The following ATP2B1 variants were observed in gnomAD, a reference collection of about 807,000 sequenced individuals.
ATP2B1 encodes ATPase plasma membrane Ca2+ transporting 1, also known as plasma membrane calcium-transporting ATPase 1.
ATP2B1 carries 14 observed loss-of-function variants against 124.2 expected under a neutral mutation model. The observed-to-expected ratio is 0.11, with a 90% confidence interval of 0.07 to 0.18. ATP2B1 has a LOEUF of 0.18. Among genes scored for constraint, ATP2B1 ranks in the 10% least tolerant of loss-of-function variants. The probability of loss-of-function intolerance (pLI) is 1.00; values close to 1 mark genes in which losing one functional copy is unlikely to be tolerated. For synonymous variants in ATP2B1, 449 were observed against 492.4 expected, an observed-to-expected ratio of 0.91 and a Z score of 1.17; for missense variants, 763 against 1,466.1, an observed-to-expected ratio of 0.52 and a Z score of 7.83.
chr12:89,671,526 T>C (rs777396283), intron 1 of ATP2B1, among the ~76,000 whole-genome samples: 9 of 152,180 alleles, frequency 5.9e-5, no homozygotes, highest in Non-Finnish European at 1.3e-4. Flanking sequence ...TCCTTTCGCC[T>C]AATCTTCCCA....
intron 3 of ATP2B1, among the ~76,000 whole-genome samples, chr12:89,641,090 G>A (rs2136234176): frequency 6.6e-6 from 1 of 152,254 alleles, no homozygotes; most frequent in African/African-American, 2.4e-5. Context: ...TCAGCCTTTT[G>A]ATACATAAAA....
At chr12:89,623,050 G>T (rs143876379) in intron 9 of ATP2B1, among the ~76,000 whole-genome samples, 1 of 129,614 alleles carries the variant, frequency 7.7e-6, no homozygotes, top group African/African-American at 2.9e-5. Flanking sequence ...TGATTATACT[G>T]TATCTTATCA....
chr12:89,634,198 G>C (rs1214335420), intron 5 of ATP2B1, among the ~76,000 whole-genome samples: 1 of 151,990 alleles, frequency 6.6e-6, no homozygotes, highest in Non-Finnish European at 1.5e-5. Flanking sequence ...TTAACCATTT[G>C]CAAATTCAAT....
At chr12:89,625,887 T>C (rs985880809) in intron 8 of ATP2B1, among the ~76,000 whole-genome samples, 2 of 152,198 alleles carry the variant, frequency 1.3e-5, no homozygotes, top group African/African-American at 4.8e-5. Context: ...ATATGCTTAT[T>C]TATCCACACA....
At chr12:89,600,841 G>T (rs1875674728) in intron 19 of ATP2B1, among the ~76,000 whole-genome samples, 1 of 151,880 alleles carries the variant, frequency 6.6e-6, no homozygotes, top group Non-Finnish European at 1.5e-5. Flanking sequence ...TAGAGACGGG[G>T]TTTCACCATG....
At position 89,603,226 on chromosome 12, in the gene ATP2B1, T is replaced by C. The variant is rs966303879; in HGVS notation, c.2877A>G (p.Gly959=). ...AGEKFFDIDS[G]RNAPLHAPPS... is the part of the protein sequence containing the mutation. ...GAGGAGCATGCAAAGGAGCATTTCT[T>C]CCACTATCAATGTCAAAAAACTTTT... The change falls in exon 18 of 21, where the codon GGA becomes GGG. Residue 959 remains glycine (G), a synonymous_variant. Transcript: ENST00000428670. The surrounding 1 kb of genome is among the most constrained non-coding windows in gnomAD (Gnocchi z 4.3). 5.0e-6 allele frequency: 8 copies of C among 1,609,402 alleles called. No individual in the cohort carries two copies. The African/African-American group carries it at 5.3e-5, about 11-fold the overall frequency.
chr12:89,625,984 T>C (rs1880817596), intron 8 of ATP2B1, among the ~76,000 whole-genome samples: 1 of 152,188 alleles, frequency 6.6e-6, no homozygotes, highest in Admixed American at 6.5e-5. Context: ...ATGGCTGTAT[T>C]AACAGGTATT....
intron 3 of ATP2B1, among the ~76,000 whole-genome samples, chr12:89,640,903 C>G (rs776650175): frequency 6.6e-6 from 1 of 152,204 alleles, no homozygotes; most frequent in Non-Finnish European, 1.5e-5. Flanking sequence ...GCTGGCACCA[C>G]GTTTCCTGTA....
intron 1 of ATP2B1, among the ~76,000 whole-genome samples, chr12:89,680,363 G>C (rs2136628175): frequency 6.6e-6 from 1 of 152,148 alleles, no homozygotes; most frequent in Admixed American, 6.5e-5. Flanking sequence ...AAACTAAAAA[G>C]AGAGATGAAC....
chr12:89,630,726 T>A, intron 5 of ATP2B1, 81 bp from the exon 6 acceptor site: 2 of 920,548 alleles, frequency 2.2e-6, no homozygotes, highest in Non-Finnish European at 3.0e-6. Context: ...TCAGTAATAT[T>A]GTTTTTAACA....
At chr12:89,613,966 T>C (rs1303395807) in intron 12 of ATP2B1, among the ~76,000 whole-genome samples, 1 of 152,214 alleles carries the variant, frequency 6.6e-6, no homozygotes, top group Non-Finnish European at 1.5e-5. Context: ...CTGTTTCATA[T>C]TACATCGTCT....
chr12:89,595,515 T>C (rs1458479171), intron 20 of ATP2B1, among the ~76,000 whole-genome samples: 1 of 152,078 alleles, frequency 6.6e-6, no homozygotes, highest in African/African-American at 2.4e-5. Flanking sequence ...GAGTCTAGCA[T>C]TTGACAAAGT....
rs764849276 is a variant in ATP2B1, at chr12:89,609,917, T to C, written c.2442+20A>G. 2.4e-5 allele frequency: 39 copies of C among 1,603,524 alleles called. No individual in the cohort carries two copies. The highest frequency in any genetic ancestry group is 1.7e-4 in the Middle Eastern group (1 of 6,044). ...CAGTCAGTAAATTACGTTTGGATATTTGAATGAGTAAATTCTTACCATTGC... is the reference window on the plus strand; with the variant it reads ...CAGTCAGTAAATTACGTTTGGATATCTGAATGAGTAAATTCTTACCATTGC... On this transcript the variant is annotated intron_variant, in intron 15 of 20. Coordinates refer to ENST00000428670, the MANE Select transcript of ATP2B1 (RefSeq NM_001366521.1).
chr12:89,694,969 A>T (rs1176116860), intron 1 of ATP2B1, among the ~76,000 whole-genome samples: 2 of 151,570 alleles, frequency 1.3e-5, no homozygotes, highest in Non-Finnish European at 2.9e-5. Flanking sequence ...AGGTGGGAGG[A>T]TCACCTAAGC....
intron 3 of ATP2B1, among the ~76,000 whole-genome samples, chr12:89,638,061 C>CTACT (rs1882967251): frequency 6.6e-6 from 1 of 151,412 alleles, no homozygotes; most frequent in African/African-American, 2.4e-5. Context: ...AAATCCTTTC[C>CTACT]TACTGACAAT....
In ATP2B1 at chr12:89,589,686, G is replaced by C. The variant is rs1242121309; in HGVS notation, c.*1298C>G. On this transcript the variant is annotated 3_prime_UTR_variant, in exon 21 of 21. Transcript: ENST00000428670. ...CAAGGAATTAAAGCGGTACTTCATG[G>C]GGCTGTTACCATCTTGAAATGTATT... The C allele has an allele frequency of 6.6e-6, 1 of 151,852 alleles. No individual in the cohort carries two copies. 9.4% of individuals were successfully genotyped at this position (151,852 alleles called of 1,614,324 possible). A position where few individuals can be genotyped will look rare whatever the true frequency, so the allele number is the denominator to read the frequency against.
intron 1 of ATP2B1, among the ~76,000 whole-genome samples, chr12:89,662,875 C>T (rs1428904603): frequency 6.6e-6 from 1 of 151,938 alleles, no homozygotes; most frequent in African/African-American, 2.4e-5. Flanking sequence ...ATAAACTTGG[C>T]ATGAACACTT....
intron 20 of ATP2B1, among the ~76,000 whole-genome samples, chr12:89,598,065 C>CAAAAAAAAAAAAAAAAAA (rs1565797438): frequency 8.1e-5 from 4 of 49,672 alleles, no homozygotes; most frequent in Admixed American, 1.9e-4. Flanking sequence ...AAAAAAAAAT[C>CAAAAAAAAAAAAAAAAAA]AAAGCAAGGC....
In ATP2B1 at chr12:89,603,494, A is replaced by G. The variant is rs1036572286; in HGVS notation, c.2848+218T>C. ...ATCTAAATTAGTGGAGAGCCAGGGT[A>G]AGACATCAGGACTGTTTATTCTCCT... On this transcript the variant is annotated intron_variant, in intron 17 of 20. Transcript: ENST00000428670. The surrounding 1 kb of genome is among the most constrained non-coding windows in gnomAD (Gnocchi z 4.3). The G allele has an allele frequency of 3.8e-5, 24 of 633,558 alleles. No homozygotes were observed. Among genetic ancestry groups the G allele is most frequent in the African/African-American group, 3.5e-4 (19 of 54,398 alleles). The allele number at this position is 633,558 out of a possible 1,614,324, so 39.2% of individuals were successfully genotyped here. A position where few individuals can be genotyped will look rare whatever the true frequency, so the allele number is the denominator to read the frequency against.
Sources: allele counts gnomAD v4.1 joint callset (sites outside exome capture counted in the v4.1 genomes callset), GRCh38; gene constraint gnomAD v4.1.1; non-coding constraint Gnocchi (gnomAD v3.1); transcripts MANE v1.5; gene names NCBI Gene and HGNC (gene_info 2026-07-23, HGNC 2026-07-21).